Variants in WDR91 observed in about 807,000 individuals in gnomAD.
WDR91 encodes WD repeat domain 91.
Under a neutral mutation model 88.4 loss-of-function variants are expected in WDR91, and 52 were observed. The ratio of observed to expected loss-of-function variants is 0.59; its 90% CI spans 0.47 to 0.74. WDR91 has a LOEUF of 0.74. Ranked by LOEUF, WDR91 falls within the 30% of genes least tolerant of loss-of-function variation. The pLI, the probability that WDR91 is intolerant of heterozygous loss-of-function variation, is 0.00. For synonymous variants in WDR91, 362 were observed against 389.5 expected, an observed-to-expected ratio of 0.93 and a Z score of 0.83; for missense variants, 824 against 954.5, an observed-to-expected ratio of 0.86 and a Z score of 1.80.
chr7:135,195,377 A>G (rs1029487713), intron 8 of WDR91, among the ~76,000 whole-genome samples: 2 of 152,220 alleles, frequency 1.3e-5, no homozygotes, highest in African/African-American at 4.8e-5. Context: ...GTCTCTGGAG[A>G]TTTAGAGCCT....
Position 135,185,446 on chromosome 7 carries a change from G to A in WDR91, c.*705C>T, listed in dbSNP as rs1218882993. 1 of 152,234 alleles carries A rather than the reference G, an allele frequency of 6.6e-6. No individual in the cohort carries two copies. Among genetic ancestry groups the A allele is most frequent in the South Asian group, 2.1e-4 (1 of 4,832 alleles). The allele number at this position is 152,234 out of a possible 1,614,324, so 9.4% of individuals were successfully genotyped here. Reference sequence around the variant, plus strand: ...AAGCATTTCAGATAAGAAACGCTTAGCCTGTCTTGGGAAACAGCAGCCACT... The same window carrying A: ...AAGCATTTCAGATAAGAAACGCTTAACCTGTCTTGGGAAACAGCAGCCACT... On this transcript the variant is annotated 3_prime_UTR_variant, in exon 15 of 15. Transcript: ENST00000354475.
chr7:135,211,498 G>T lies in WDR91; in HGVS notation c.5C>A (p.Ala2Glu). 1.2e-6 allele frequency: 2 copies of T among 1,611,104 alleles called. No individual in the cohort carries two copies. The highest frequency in any genetic ancestry group is 1.7e-6 in the Non-Finnish European group (2 of 1,178,886). Reference sequence around the variant, plus strand: ...CTCGTCAGTGCGCTCCACGGCCTCCGCCATCGCAGCGCTAGCGTCTTTAGG... The same window carrying T: ...CTCGTCAGTGCGCTCCACGGCCTCCTCCATCGCAGCGCTAGCGTCTTTAGG... MAEAVERTDELV... is the reference protein window; with the variant it reads MEEAVERTDELV... The change falls in exon 1 of 15, where the codon GCG becomes GAG. Residue 2 changes from alanine (A) to glutamate (E), a missense_variant. Physicochemically the swap from Ala to Glu is moderately radical, Grantham distance 107. Transcript: ENST00000354475.
At chr7:135,205,843 CT>C (rs1206671288) in intron 5 of WDR91, 84 bp downstream of exon 5, 1 of 1,588,998 alleles carries the variant, frequency 6.3e-7, no homozygotes, top group Non-Finnish European at 8.6e-7. Context: ...GCACAGAGGA[CT>C]GCAGGCAAGG....
rs747814134 is a variant in WDR91 at position 135,207,177 on chromosome 7, AT to A, written c.536del (p.Asp179ValfsTer31). 6.2e-7 allele frequency: 1 copy of A among 1,607,334 alleles called. No individual in the cohort carries two copies. Among genetic ancestry groups the A allele is most frequent in the Non-Finnish European group, 8.5e-7 (1 of 1,175,288 alleles). ...CCTGGTTAGTCCTCTGACACTCCGC[AT>A]CAAAGTTCAGGATCACAGGGACTGG... ...CMPVPVILNF[D>X]AECQRTNQVQ... is the part of the protein sequence containing the mutation. On this transcript the variant is annotated frameshift_variant, in exon 4 of 15. Coordinates refer to ENST00000354475, the MANE Select transcript of WDR91 (RefSeq NM_014149.4). LOFTEE classifies it high-confidence loss of function.
Position 135,211,303 on chromosome 7 carries a change from A to T in WDR91, c.123+77T>A. ...AGTGACAGCGCCGCTCTCGCCCCGGAGGCAGTGCTGGGGGGAAGCCCGCTC... is the reference window on the plus strand; with the variant it reads ...AGTGACAGCGCCGCTCTCGCCCCGGTGGCAGTGCTGGGGGGAAGCCCGCTC... On this transcript the variant is annotated intron_variant, in intron 1 of 14. Transcript: ENST00000354475. The T allele has an allele frequency of 2.0e-6, 3 of 1,521,420 alleles. No homozygotes were observed. In the South Asian group the frequency reaches 3.6e-5, roughly 18 times the overall value. The allele number at this position is 1,521,420 out of a possible 1,614,324, so 94.2% of individuals were successfully genotyped here.
intron 3 of WDR91, chr7:135,207,409 G>C: frequency 1.8e-6 from 1 of 568,848 alleles, no homozygotes; most frequent in Non-Finnish European, 3.4e-6. Context: ...CATTTCATTC[G>C]GACAGATTCA....
At chr7:135,205,203 C>G (rs192045160) in intron 5 of WDR91, among the ~76,000 whole-genome samples, 1 of 152,314 alleles carries the variant, frequency 6.6e-6, no homozygotes, top group Admixed American at 6.5e-5. Flanking sequence ...CTCTTTAAAC[C>G]GTCAGAGAGG....
Position 135,189,454 on chromosome 7 carries a change from T to C in WDR91, c.1660-2A>G. The C allele has an allele frequency of 6.2e-7, 1 of 1,613,162 alleles. No individual in the cohort carries two copies. The highest frequency in any genetic ancestry group is 8.5e-7 in the Non-Finnish European group (1 of 1,179,300). ...TTCTGGATCCAGGGAGAACTGGAGC[T>C]ATTGAAATAAAACAAAAATGTCAGT... is the stretch of plus-strand genomic sequence containing the variant. On this transcript the variant is annotated splice_acceptor_variant, in intron 11 of 14. Transcript: ENST00000354475. LOFTEE classifies it high-confidence loss of function.
In WDR91 at chr7:135,209,656, G is replaced by A. The variant is rs775811151; in HGVS notation, c.223C>T (p.Arg75Cys). The change falls in exon 2 of 15, where the codon CGC (arginine) becomes TGC (cysteine). Residue 75 changes from arginine to cysteine, a missense_variant. Coordinates refer to ENST00000354475, the MANE Select transcript of WDR91 (RefSeq NM_014149.4). ...WSYLERRLFSRLEDIYRPTIH... is the reference protein window; with the variant it reads ...WSYLERRLFSCLEDIYRPTIH... ...GTGGGTCTGTATATATCCTCCAAGC[G>A]GCTGAAGAGCCGACGCTCCAAGTAG... 1.7e-5 allele frequency: 27 copies of A among 1,613,436 alleles called. No homozygotes were observed. Among genetic ancestry groups the A allele is most frequent in the Middle Eastern group, 3.3e-4 (2 of 6,084 alleles).
At chr7:135,193,771 T>C in intron 9 of WDR91, 99 bp from the exon 10 acceptor site, 1 of 959,932 alleles carries the variant, frequency 1.0e-6, no homozygotes, top group Non-Finnish European at 1.6e-6. Context: ...GCTGTGGGGG[T>C]GAGGCCCCTC....
rs1405452157 is a variant in WDR91, at chr7:135,186,284, C to T, written c.2111G>A (p.Cys704Tyr). The stretch of plus-strand genomic sequence containing the variant: ...GGCTCGGTGGCCACCTAGGCTCAAG[C>T]AGCTCTCCAGAACCTTCTCATCGCC... ...LGGDEKVLESCLSLGGHRAPV... is the reference protein window; with the variant it reads ...LGGDEKVLESYLSLGGHRAPV... Residue 704 changes from cysteine (C) to tyrosine (Y), a missense_variant, in exon 15 of 15, where the codon TGC becomes TAC. Coordinates refer to ENST00000354475, the MANE Select transcript of WDR91 (RefSeq NM_014149.4). 1 of 1,613,020 alleles carries T rather than the reference C, an allele frequency of 6.2e-7. No individual in the cohort carries two copies. Among genetic ancestry groups the T allele is most frequent in the East Asian group, 2.2e-5 (1 of 44,748 alleles).
intron 13 of WDR91, 152 bp from the exon 14 acceptor site, chr7:135,187,321 T>C (rs985766521): frequency 4.1e-6 from 3 of 728,018 alleles, no homozygotes; most frequent in Non-Finnish European, 6.7e-6. Context: ...GCCTTTCAAG[T>C]GCCAGAGGCA....
rs1831680816 is a variant in WDR91 at position 135,204,295 on chromosome 7, C to T, written c.864G>A (p.Ser288=). The T allele has an allele frequency of 1.1e-5, 18 of 1,614,080 alleles. No homozygotes were observed. Among genetic ancestry groups the T allele is most frequent in the Non-Finnish European group, 1.5e-5 (18 of 1,180,000 alleles). Reference sequence around the variant, plus strand: ...GACCACCGAAGGACTCTTTCTTGGCCGAGCTCTGAGGTTGAGGAGGGCCCT... The same window carrying T: ...GACCACCGAAGGACTCTTTCTTGGCTGAGCTCTGAGGTTGAGGAGGGCCCT... ...PAQGPPQPQS[S]AKKESFGGQG... The change falls in exon 6 of 15, where the codon TCG becomes TCA. Residue 288 remains serine (S), a synonymous_variant. Coordinates refer to ENST00000354475, the MANE Select transcript of WDR91 (RefSeq NM_014149.4).
In WDR91 at chr7:135,198,001, T is replaced by C; in HGVS notation, c.1042A>G (p.Thr348Ala). 1 of 1,613,916 alleles carries C rather than the reference T, an allele frequency of 6.2e-7. No individual in the cohort carries two copies. The highest frequency in any genetic ancestry group is 1.7e-5 in the Admixed American group (1 of 60,010). ...KERKELFSTT[T>A]SQCAEKKPEA... Reference sequence around the variant, plus strand: ...TCAGGACAACCCCATACCTGGGAAGTGGTTGTGGAGAAAAGCTCCTTCCTC... The same window carrying C: ...TCAGGACAACCCCATACCTGGGAAGCGGTTGTGGAGAAAAGCTCCTTCCTC... Residue 348 changes from threonine (T) to alanine (A), a missense_variant, in exon 7 of 15, where the codon ACT becomes GCT. Transcript: ENST00000354475.
chr7:135,205,799 G>T, intron 5 of WDR91, 129 bp downstream of exon 5: 1 of 1,362,592 alleles, frequency 7.3e-7, no homozygotes, highest in Non-Finnish European at 1.0e-6. Flanking sequence ...AGCAGTGTGT[G>T]CCAGGAGGCT....
Position 135,186,196 on chromosome 7 carries a change from C to A in WDR91, c.2199G>T (p.Met733Ile). 1 of 1,607,852 alleles carries A rather than the reference C, an allele frequency of 6.2e-7. No homozygotes were observed. Among genetic ancestry groups the A allele is most frequent in the South Asian group, 1.1e-5 (1 of 90,348 alleles). The change falls in exon 15 of 15, where the codon ATG becomes ATT. Residue 733 changes from methionine (M) to isoleucine (I), a missense_variant. Coordinates refer to ENST00000354475, the MANE Select transcript of WDR91 (RefSeq NM_014149.4). ...GGGTGGTCAGCTTGATCTTGCCATCCATGGAGGCGGTGAGGCAGGTCCCAC... is the reference window on the plus strand; with the variant it reads ...GGGTGGTCAGCTTGATCTTGCCATCAATGGAGGCGGTGAGGCAGGTCCCAC... ...MDCGTCLTAS[M>I]DGKIKLTTLL... is the part of the protein sequence containing the mutation.
At position 135,206,032 on chromosome 7, in the gene WDR91, G is replaced by A. The variant is rs1831763198; in HGVS notation, c.621C>T (p.His207=). Residue 207 remains histidine (H), a synonymous_variant, in exon 5 of 15, where the codon CAC becomes CAT. Transcript: ENST00000354475. ...GCTGTTGCTCCTCTTTCTTCAGTCG[G>A]TGGATTTCAGCTTGCAATGCAAAAA... is the stretch of plus-strand genomic sequence containing the variant. ...QKLFALQAEI[H]RLKKEEQQPE... is the part of the protein sequence containing the mutation. 4 of 1,614,112 alleles carry A rather than the reference G, an allele frequency of 2.5e-6. No homozygotes were observed. Among genetic ancestry groups the A allele is most frequent in the Non-Finnish European group, 2.5e-6 (3 of 1,180,054 alleles).
At chr7:135,200,422 ACTCT>A (rs953853215) in intron 6 of WDR91, 3 of 152,096 alleles carry the variant, frequency 2.0e-5, no homozygotes, top group Non-Finnish European at 2.9e-5. Context: ...AGAACTGTGT[ACTCT>A]CTAGACAATG....
chr7:135,195,915 C>T lies in WDR91; in HGVS notation c.1244+229G>A, dbSNP rs536667870. On this transcript the variant is annotated intron_variant, in intron 8 of 14. Transcript: ENST00000354475. ...TGAGCCAAGATCGTGCCACTGCACTCCAGCCTAGGTGACAGAGCAAGACTC... is the reference window on the plus strand; with the variant it reads ...TGAGCCAAGATCGTGCCACTGCACTTCAGCCTAGGTGACAGAGCAAGACTC... 5.3e-5 allele frequency among the ~76,000 whole-genome samples: 8 copies of T among 151,932 alleles called. No homozygotes were observed. In the East Asian group the frequency reaches 1.6e-3, roughly 29 times the overall value.
Sources: gnomAD v4.1 joint callset for allele counts (sites outside exome capture counted in the v4.1 genomes callset) on GRCh38, gnomAD v4.1.1 for gene constraint, MANE v1.5 for transcripts, NCBI Gene and HGNC (gene_info 2026-07-23, HGNC 2026-07-21) for gene names.